The following PDZRN4 variants were observed in gnomAD, a reference collection of about 807,000 sequenced individuals.
The protein encoded by PDZRN4 is PDZ domain-containing RING finger protein 4.
In PDZRN4, 70 loss-of-function variants were observed where a neutral mutation model predicts 99.0. The observed-to-expected ratio is 0.71, with a 90% CI of 0.58 to 0.86. The LOEUF (loss-of-function observed/expected upper bound fraction) is 0.86. Among genes scored for constraint, PDZRN4 ranks in the 40% least tolerant of loss-of-function variants. PDZRN4 has a pLI of 0.00. For synonymous variants in PDZRN4, 551 were observed against 501.6 expected, an observed-to-expected ratio of 1.10 and a Z score of -1.32; for missense variants, 1,474 against 1,331.2, an observed-to-expected ratio of 1.11 and a Z score of -1.67.
At chr12:41,216,499 A>G (rs1250092439) in intron 3 of PDZRN4, among the ~76,000 whole-genome samples, 1 of 152,084 alleles carries the variant, frequency 6.6e-6, no homozygotes, top group Non-Finnish European at 1.5e-5. Flanking sequence ...AAACAATTTT[A>G]GCTGTAAAAC....
chr12:41,446,086 C>A (rs1952725663), intron 3 of PDZRN4, among the ~76,000 whole-genome samples: 1 of 151,984 alleles, frequency 6.6e-6, no homozygotes, highest in South Asian at 2.1e-4. Context: ...AAGGTAGCAG[C>A]CCCATATTCT....
At chr12:41,196,907 C>T (rs1039060622) in intron 3 of PDZRN4, among the ~76,000 whole-genome samples, 7 of 151,882 alleles carry the variant, frequency 4.6e-5, no homozygotes, top group Non-Finnish European at 7.4e-5. Context: ...TTCAAATGGT[C>T]ATGCTGATTT....
intron 3 of PDZRN4, among the ~76,000 whole-genome samples, chr12:41,503,153 C>A (rs974822129): frequency 3.3e-5 from 5 of 152,040 alleles, no homozygotes; most frequent in Admixed American, 1.3e-4. Context: ...ATCATCAATG[C>A]TTGCATTTTC....
intron 3 of PDZRN4, among the ~76,000 whole-genome samples, chr12:41,269,668 C>G (rs966586544): frequency 2.2e-4 from 33 of 152,300 alleles, no homozygotes; most frequent in African/African-American, 7.9e-4. Context: ...CTAACACAGC[C>G]TGCCCAGGGT....
intron 3 of PDZRN4, among the ~76,000 whole-genome samples, chr12:41,232,111 A>T (rs1411973113): frequency 1.3e-5 from 2 of 152,130 alleles, no homozygotes; most frequent in East Asian, 3.9e-4. Flanking sequence ...CATGTTGTAG[A>T]ATGCCATCTG....
intron 3 of PDZRN4, among the ~76,000 whole-genome samples, chr12:41,377,197 C>T (rs1952088323): frequency 6.6e-6 from 1 of 152,080 alleles, no homozygotes; most frequent in South Asian, 2.1e-4. Flanking sequence ...CTCAAGATTA[C>T]TTCTACTATT....
At chr12:41,537,592 A>G (rs1379369724) in intron 5 of PDZRN4, among the ~76,000 whole-genome samples, 1 of 152,170 alleles carries the variant, frequency 6.6e-6, no homozygotes. Context: ...CAGAGGGCCT[A>G]TAGTGTCAAT....
chr12:41,337,367 A>G (rs1918223), intron 3 of PDZRN4, among the ~76,000 whole-genome samples: 58,376 of 151,832 alleles, frequency 0.38, 11,318 homozygotes, highest in African/African-American at 0.41. Context: ...AGTTTCTCAA[A>G]TGGTACCCAC....
intron 3 of PDZRN4, among the ~76,000 whole-genome samples, chr12:41,469,113 G>GTGA (rs1952961332): frequency 6.6e-6 from 1 of 152,130 alleles, no homozygotes; most frequent in African/African-American, 2.4e-5. Flanking sequence ...GAATGCTACA[G>GTGA]TGAGATACTA....
chr12:41,341,973 A>C (rs2121016569), intron 3 of PDZRN4, among the ~76,000 whole-genome samples: 1 of 152,138 alleles, frequency 6.6e-6, no homozygotes, highest in African/African-American at 2.4e-5. Flanking sequence ...CAGTAACCAA[A>C]ACAGCATGGT....
At chr12:41,541,265 T>C (rs945581320) in intron 5 of PDZRN4, among the ~76,000 whole-genome samples, 3 of 151,704 alleles carry the variant, frequency 2.0e-5, no homozygotes, top group African/African-American at 4.8e-5. Context: ...CCTTTGTCCT[T>C]ACCCATCTAT....
chr12:41,473,070 T>C (rs1034923686), intron 3 of PDZRN4, among the ~76,000 whole-genome samples: 2 of 152,054 alleles, frequency 1.3e-5, no homozygotes, highest in African/African-American at 4.8e-5. Context: ...CTTTAGCCTC[T>C]TAAGTTGGGT....
chr12:41,340,923 A>G (rs188936720), intron 3 of PDZRN4, among the ~76,000 whole-genome samples: 1 of 152,004 alleles, frequency 6.6e-6, no homozygotes, highest in Admixed American at 6.6e-5. Context: ...AAAATAAACT[A>G]CAGGCCAATA....
intron 3 of PDZRN4, among the ~76,000 whole-genome samples, chr12:41,446,795 G>A (rs1952732499): frequency 6.6e-6 from 1 of 151,544 alleles, no homozygotes; most frequent in South Asian, 2.1e-4. Context: ...AAACTTCATG[G>A]AACAGCCAGA....
At chr12:41,218,277 C>G (rs1431112) in intron 3 of PDZRN4, among the ~76,000 whole-genome samples, 1 of 151,798 alleles carries the variant, frequency 6.6e-6, no homozygotes, top group Non-Finnish European at 1.5e-5. Context: ...TACCTTGTCC[C>G]TTGGTCAGGG....
At chr12:41,393,736 T>C (rs1243257460) in intron 3 of PDZRN4, among the ~76,000 whole-genome samples, 1 of 152,194 alleles carries the variant, frequency 6.6e-6, no homozygotes, top group Non-Finnish European at 1.5e-5. Flanking sequence ...GATTACTTAA[T>C]GATATTTGGT....
At chr12:41,517,478 G>T (rs976673262) in intron 5 of PDZRN4, among the ~76,000 whole-genome samples, 1 of 151,966 alleles carries the variant, frequency 6.6e-6, no homozygotes, top group African/African-American at 2.4e-5. Context: ...TTTTCATAGT[G>T]GCAGAAAAAG....
intron 3 of PDZRN4, among the ~76,000 whole-genome samples, chr12:41,348,045 A>G (rs1333513518): frequency 2.0e-5 from 3 of 152,166 alleles, no homozygotes; most frequent in Admixed American, 1.3e-4. Flanking sequence ...TGTAATGACC[A>G]TTTGTACTGG....
chr12:41,315,438 G>T (rs1308405441), intron 3 of PDZRN4, among the ~76,000 whole-genome samples: 2 of 152,060 alleles, frequency 1.3e-5, no homozygotes, highest in Non-Finnish European at 2.9e-5. Context: ...CATATGAAAG[G>T]TATGAGAGCA....
Sources: allele counts gnomAD v4.1 joint callset (sites outside exome capture counted in the v4.1 genomes callset), GRCh38; gene constraint gnomAD v4.1.1; transcripts MANE v1.5; gene names NCBI Gene and HGNC (gene_info 2026-07-23, HGNC 2026-07-21).